Variants in RBM47 observed in about 807,000 individuals in gnomAD.
RBM47 encodes the protein RNA binding motif protein 47, also known as RNA-binding protein 47.
A neutral mutation model predicts 47.1 loss-of-function variants in RBM47; 21 were observed. That is an observed-to-expected ratio of 0.45 (90% CI 0.32 to 0.64). The LOEUF is 0.64. RBM47 is among the 30% of genes least tolerant of loss of function. The pLI is 0.05. For missense variants in RBM47, 708 were observed against 870.9 expected (o/e 0.81, Z 2.35); for synonymous variants, 375 against 361.7 (o/e 1.04, Z -0.42).
intron 1 of RBM47, among the ~76,000 whole-genome samples, chr4:40,621,070 T>C (rs570695594): frequency 1.3e-5 from 2 of 151,776 alleles, no homozygotes; most frequent in Non-Finnish European, 2.9e-5. Flanking sequence ...CTGACAATAG[T>C]CAGAAATAAC....
intron 1 of RBM47, among the ~76,000 whole-genome samples, chr4:40,599,648 G>C (rs4861276): frequency 6.6e-6 from 1 of 151,840 alleles, no homozygotes; most frequent in Admixed American, 6.6e-5. Flanking sequence ...CTTATGGAGA[G>C]GCCCTGAAAC....
At chr4:40,602,718 C>A (rs991431112) in intron 1 of RBM47, among the ~76,000 whole-genome samples, 2 of 151,336 alleles carry the variant, frequency 1.3e-5, no homozygotes, top group African/African-American at 2.4e-5. Context: ...AGAGAAGCAG[C>A]TCAGAATCTT....
At chr4:40,447,935 C>T (rs571305964) in intron 3 of RBM47, among the ~76,000 whole-genome samples, 13 of 152,226 alleles carry the variant, frequency 8.5e-5, no homozygotes, top group African/African-American at 2.2e-4. Context: ...GGCGTGAACC[C>T]GGGAGGTGGA....
intron 1 of RBM47, among the ~76,000 whole-genome samples, chr4:40,578,146 G>A (rs1434168597): frequency 2.0e-5 from 3 of 152,076 alleles, no homozygotes; most frequent in African/African-American, 7.2e-5. Context: ...TAATCAGGAC[G>A]AAGAAATAAC....
intron 5 of RBM47, among the ~76,000 whole-genome samples, chr4:40,433,985 TGTGTGTGTGGGGCGGGG>T (rs1319632748): frequency 1.2e-5 from 1 of 86,774 alleles, no homozygotes; most frequent in Non-Finnish European, 2.2e-5. Context: ...TGTGTGAGTG[TGTGTGTGTGGGGCGGGG>T]GTGTGTGTGT....
intron 2 of RBM47, among the ~76,000 whole-genome samples, chr4:40,473,896 T>C (rs1048831355): frequency 7.2e-5 from 11 of 152,222 alleles, no homozygotes; most frequent in East Asian, 1.9e-4. Context: ...AGTGGAAATA[T>C]AATTTTACAA....
At chr4:40,426,831 G>C (rs1034091806) in intron 6 of RBM47, 4 of 152,270 alleles carry the variant, frequency 2.6e-5, no homozygotes, top group African/African-American at 4.8e-5. Flanking sequence ...GGATAAGGAG[G>C]ACCTTCTCTG....
chr4:40,461,676 C>T (rs919438930), intron 3 of RBM47, among the ~76,000 whole-genome samples: 11 of 152,260 alleles, frequency 7.2e-5, no homozygotes, highest in African/African-American at 2.6e-4. Context: ...TGCCTGTAAT[C>T]CCAGCACTTT....
chr4:40,609,048 C>T (rs1239114670), intron 1 of RBM47, among the ~76,000 whole-genome samples: 3 of 152,086 alleles, frequency 2.0e-5, no homozygotes, highest in African/African-American at 2.4e-5. Context: ...GGCTGGAGTG[C>T]GGTGGCATGA....
intron 2 of RBM47, chr4:40,543,190 T>C (rs1560458068): frequency 6.6e-6 from 1 of 152,168 alleles, no homozygotes; most frequent in Non-Finnish European, 1.5e-5. Context: ...TGGCATTAAC[T>C]CTCAAGATGC....
chr4:40,444,767 C>T (rs10024316), intron 3 of RBM47, among the ~76,000 whole-genome samples: 8 of 151,240 alleles, frequency 5.3e-5, no homozygotes, highest in Non-Finnish European at 1.2e-4. Context: ...AGGATTCAAG[C>T]GATTTATCTG....
intron 1 of RBM47, among the ~76,000 whole-genome samples, chr4:40,623,395 TTCTTAGTAACTAAGAGTACACTG>T (rs1476134301): frequency 2.0e-5 from 3 of 152,246 alleles, no homozygotes; most frequent in Non-Finnish European, 2.9e-5. Context: ...CTCATCTCTT[TTCTTAGTAACTAAGAGTACACTG>T]TCAGCCCACC....
chr4:40,502,450 G>GT (rs1338791579), intron 2 of RBM47, among the ~76,000 whole-genome samples: 1 of 152,186 alleles, frequency 6.6e-6, no homozygotes, highest in Non-Finnish European at 1.5e-5. Context: ...CTAAGACAGT[G>GT]TTTTTCCCAT....
At chr4:40,488,996 G>A (rs191997227) in intron 2 of RBM47, among the ~76,000 whole-genome samples, 1 of 152,284 alleles carries the variant, frequency 6.6e-6, no homozygotes, top group Non-Finnish European at 1.5e-5. Context: ...CTCATATCCA[G>A]GTTCCCAAAC....
At chr4:40,465,990 G>A (rs1331056563) in intron 3 of RBM47, among the ~76,000 whole-genome samples, 2 of 152,072 alleles carry the variant, frequency 1.3e-5, no homozygotes, top group Non-Finnish European at 2.9e-5. Flanking sequence ...TGACTGGCTG[G>A]GTGCTGTGGC....
intron 1 of RBM47, among the ~76,000 whole-genome samples, chr4:40,583,987 T>G (rs1340505435): frequency 6.6e-6 from 1 of 152,176 alleles, no homozygotes; most frequent in Admixed American, 6.5e-5. Flanking sequence ...CATTTATTTT[T>G]TTGAGACAGG....
At chr4:40,506,352 T>C (rs989076506) in intron 2 of RBM47, among the ~76,000 whole-genome samples, 1 of 152,218 alleles carries the variant, frequency 6.6e-6, no homozygotes, top group Non-Finnish European at 1.5e-5. Flanking sequence ...CGTTCATGTA[T>C]GCAAATTTCC....
At chr4:40,447,800 G>A (rs1714763115) in intron 3 of RBM47, among the ~76,000 whole-genome samples, 1 of 151,994 alleles carries the variant, frequency 6.6e-6, no homozygotes, top group African/African-American at 2.4e-5. Context: ...CACAAGGTCA[G>A]GAGATCGAGA....
At chr4:40,434,011 GTGT>G (rs1711863318) in intron 5 of RBM47, among the ~76,000 whole-genome samples, 1 of 107,746 alleles carries the variant, frequency 9.3e-6, no homozygotes. Context: ...GGGTGTGTGT[GTGT>G]GTGTGTGTGT....
Sources: gnomAD v4.1 joint callset for allele counts (sites outside exome capture counted in the v4.1 genomes callset) on GRCh38, gnomAD v4.1.1 for gene constraint, MANE v1.5 for transcripts, NCBI Gene and HGNC (gene_info 2026-07-23, HGNC 2026-07-21) for gene names.